The following C1QTNF4 variants were observed in gnomAD, a reference collection of about 807,000 sequenced individuals.
C1QTNF4 encodes the protein complement C1q tumor necrosis factor-related protein 4.
C1QTNF4 carries 12 observed loss-of-function variants against 14.6 expected under a neutral mutation model. That is an observed-to-expected ratio of 0.82 (90% CI 0.53 to 1.33). The LOEUF is 1.33. Ranked by LOEUF, C1QTNF4 falls within the 40% of genes most tolerant of loss-of-function variation. The pLI is 0.00. For synonymous variants in C1QTNF4, 278 were observed against 246.6 expected (o/e 1.13, Z -1.19); for missense variants, 558 against 500.3 (o/e 1.12, Z -1.10).
At chr11:47,592,104 C>T (rs901166263) in intron 1 of C1QTNF4, among the ~76,000 whole-genome samples, 5 of 152,194 alleles carry the variant, frequency 3.3e-5, no homozygotes, top group African/African-American at 4.8e-5. Context: ...GAAGGTGACT[C>T]CTTTCTCTTT....
intron 1 of C1QTNF4, among the ~76,000 whole-genome samples, chr11:47,593,864 C>T (rs1205325706): frequency 2.0e-5 from 3 of 151,992 alleles, no homozygotes; most frequent in South Asian, 2.1e-4. Flanking sequence ...TGCCAGAGCC[C>T]CCTCCCCAAC....
chr11:47,592,397 G>A (rs147004266), intron 1 of C1QTNF4, among the ~76,000 whole-genome samples: 79 of 152,338 alleles, frequency 5.2e-4, no homozygotes, highest in African/African-American at 1.8e-3. Context: ...CTGTGGGGGT[G>A]TGCTGAGATA....
upstream of C1QTNF4, chr11:47,594,446 T>TAGGGGAGAGGG (rs2097277151): frequency 1.1e-5 from 1 of 91,988 alleles, no homozygotes; most frequent in Non-Finnish European, 2.3e-5. Context: ...AGGAGGGGAG[T>TAGGGGAGAGGG]AGGGGAGAGG....
chr11:47,594,790 G>A (rs1243353559), upstream of C1QTNF4: 1 of 152,252 alleles, frequency 6.6e-6, no homozygotes, highest in Non-Finnish European at 1.5e-5. Flanking sequence ...AGGTCTGAAG[G>A]AAGAGAAGGA....
At chr11:47,591,473 C>T (rs1377951115) in intron 1 of C1QTNF4, among the ~76,000 whole-genome samples, 1 of 150,638 alleles carries the variant, frequency 6.6e-6, no homozygotes, top group Non-Finnish European at 1.5e-5. Flanking sequence ...ACTGCAGCCT[C>T]CACCTCCCAG....
At chr11:47,592,688 G>A (rs2097276237) in intron 1 of C1QTNF4, among the ~76,000 whole-genome samples, 1 of 152,162 alleles carries the variant, frequency 6.6e-6, no homozygotes, top group African/African-American at 2.4e-5. Flanking sequence ...GAGACAGCCT[G>A]GGATGTGGGC....
chr11:47,594,731 G>A (rs772811473), upstream of C1QTNF4: 11 of 152,500 alleles, frequency 7.2e-5, no homozygotes, highest in Non-Finnish European at 4.4e-5. Flanking sequence ...ACAGTGGAAG[G>A]TGAGATTTTG....
At position 47,589,751 on chromosome 11, in the gene C1QTNF4, A is replaced by T. The variant is rs1446017130; in HGVS notation, c.*70T>A. 2.9e-6 allele frequency: 4 copies of T among 1,382,952 alleles called. No homozygotes were observed. The highest frequency in any genetic ancestry group is 3.8e-6 in the Non-Finnish European group (4 of 1,052,342). 85.7% of individuals were successfully genotyped at this position (1,382,952 alleles called of 1,614,324 possible). A position where few individuals can be genotyped will look rare whatever the true frequency, so the allele number is the denominator to read the frequency against. Reference sequence around the variant, plus strand: ...CCGGAGGCCGTGGCGCTCGCGCGGGACTTTCGAGCCTCCGGCCCGGCCTGG... The same window carrying T: ...CCGGAGGCCGTGGCGCTCGCGCGGGTCTTTCGAGCCTCCGGCCCGGCCTGG... On this transcript the variant is annotated 3_prime_UTR_variant, in exon 2 of 2. Coordinates refer to ENST00000302514, the MANE Select transcript of C1QTNF4 (RefSeq NM_031909.3).
chr11:47,592,053 C>T (rs1186407414), intron 1 of C1QTNF4, among the ~76,000 whole-genome samples: 1 of 152,170 alleles, frequency 6.6e-6, no homozygotes, highest in African/African-American at 2.4e-5. Flanking sequence ...AACAGTTGGG[C>T]TTTGAGGTAG....
At chr11:47,593,339 CAG>C in intron 1 of C1QTNF4, among the ~76,000 whole-genome samples, 1 of 152,292 alleles carries the variant, frequency 6.6e-6, no homozygotes, top group Non-Finnish European at 1.5e-5. Context: ...GTGAGGAAGA[CAG>C]AAAGCAAAAC....
chr11:47,594,564 C>G (rs1313194360), upstream of C1QTNF4: 1 of 152,926 alleles, frequency 6.5e-6, no homozygotes, highest in Non-Finnish European at 1.5e-5. Flanking sequence ...GTCTAGAGAG[C>G]AGGCATCATT....
chr11:47,590,269 G>C lies in C1QTNF4; in HGVS notation c.542C>G (p.Ala181Gly). Residue 181 changes from alanine to glycine, a missense_variant, in exon 2 of 2, where the codon GCG (alanine) becomes GGG (glycine). Transcript: ENST00000302514. ...GCCCACCAAGCTGCGCGTGCGCGCC[G>C]CCGAGAAGGCCGAGCGCGGCTCGGG... is the stretch of plus-strand genomic sequence containing the variant. Reference protein sequence around the residue: ...APPEPRSAFSAARTRSLVGSD... With the variant: ...APPEPRSAFSGARTRSLVGSD... The C allele has an allele frequency of 1.5e-6, 2 of 1,331,010 alleles. No individual in the cohort carries two copies. The highest frequency in any genetic ancestry group is 3.4e-5 in the East Asian group (1 of 29,586). The allele number at this position is 1,331,010 out of a possible 1,614,324, so 82.4% of individuals were successfully genotyped here. A position where few individuals can be genotyped will look rare whatever the true frequency, so the allele number is the denominator to read the frequency against.
Position 47,589,847 on chromosome 11 carries a change from C to A in C1QTNF4, c.964G>T (p.Gly322Cys), listed in dbSNP as rs1436958297. Residue 322 changes from glycine (G) to cysteine (C), a missense_variant, in exon 2 of 2, where the codon GGC becomes TGC. Gly to Cys is a radical substitution (Grantham distance 159). Transcript: ENST00000302514. Reference sequence around the variant, plus strand: ...CACAGTAGCTCCGAGGCCCCGAGGCCCGGCGGGGCGGCGGGGGCGAGGTCG... The same window carrying A: ...CACAGTAGCTCCGAGGCCCCGAGGCACGGCGGGGCGGCGGGGGCGAGGTCG... ...YPDLAPAAPP[G>C]LGASELL is the part of the protein sequence containing the mutation. 4 of 1,547,098 alleles carry A rather than the reference C, an allele frequency of 2.6e-6. No homozygotes were observed. In the East Asian group the frequency reaches 9.8e-5, roughly 38 times the overall value.
At position 47,590,701 on chromosome 11, in the gene C1QTNF4, G is replaced by T; in HGVS notation, c.110C>A (p.Thr37Asn). The T allele has an allele frequency of 1.2e-6, 2 of 1,611,272 alleles. No homozygotes were observed. The highest frequency in any genetic ancestry group is 1.7e-6 in the Non-Finnish European group (2 of 1,179,350). Residue 37 changes from threonine to asparagine, a missense_variant, in exon 2 of 2, where the codon ACC becomes AAC. Thr to Asn is a moderately conservative substitution (Grantham distance 65, BLOSUM62 0). Coordinates refer to ENST00000302514, the MANE Select transcript of C1QTNF4 (RefSeq NM_031909.3). ...ELRSAFSAARTTPLEGTSEMA... is the reference protein window; with the variant it reads ...ELRSAFSAARNTPLEGTSEMA... ...CTCCGACGTGCCCTCCAGGGGGGTGGTGCGTGCCGCCGAGAAGGCCGAGCG... is the reference window on the plus strand; with the variant it reads ...CTCCGACGTGCCCTCCAGGGGGGTGTTGCGTGCCGCCGAGAAGGCCGAGCG...
rs748375294 is a variant in C1QTNF4 at position 47,589,798 on chromosome 11, C to T, written c.*23G>A. ...CTGGCATGCACGCCCCTGGCCCTCCCGGGCTCTTCTCTGGCCCGGGGCTCA... is the reference window on the plus strand; with the variant it reads ...CTGGCATGCACGCCCCTGGCCCTCCTGGGCTCTTCTCTGGCCCGGGGCTCA... On this transcript the variant is annotated 3_prime_UTR_variant, in exon 2 of 2. Transcript: ENST00000302514. 13 of 1,490,620 alleles carry T rather than the reference C, an allele frequency of 8.7e-6. No individual in the cohort carries two copies. Among genetic ancestry groups the T allele is most frequent in the Non-Finnish European group, 1.2e-5 (13 of 1,119,748 alleles). 92.3% of individuals were successfully genotyped at this position (1,490,620 alleles called of 1,614,324 possible).
At position 47,590,367 on chromosome 11, in the gene C1QTNF4, G is replaced by T; in HGVS notation, c.444C>A (p.Gly148=). 7.2e-7 allele frequency: 1 copy of T among 1,380,150 alleles called. No homozygotes were observed. The highest frequency in any genetic ancestry group is 9.3e-7 in the Non-Finnish European group (1 of 1,075,954). 85.5% of individuals were successfully genotyped at this position (1,380,150 alleles called of 1,614,324 possible). ...AGACTAGGTAGCCGCTGAAGGTGGCGCCGGGCGCGCCTAGCGCGTACTGCG... is the reference window on the plus strand; with the variant it reads ...AGACTAGGTAGCCGCTGAAGGTGGCTCCGGGCGCGCCTAGCGCGTACTGCG... The part of the protein sequence containing the change: ...GAPQYALGAP[G]ATFSGYLVYA... Residue 148 remains glycine, a synonymous_variant, in exon 2 of 2, where the codon GGC becomes GGA. Transcript: ENST00000302514.
chr11:47,592,039 C>T (rs935794506), intron 1 of C1QTNF4, among the ~76,000 whole-genome samples: 6 of 152,160 alleles, frequency 3.9e-5, no homozygotes, highest in Non-Finnish European at 8.8e-5. Context: ...ACAGAGGAGG[C>T]GAGAACAGTT....
chr11:47,593,927 A>G (rs2097276749), intron 1 of C1QTNF4, among the ~76,000 whole-genome samples: 3 of 151,794 alleles, frequency 2.0e-5, no homozygotes, highest in Admixed American at 2.0e-4. Context: ...ACAGAAGCCA[A>G]TTAATCCTTA....
In C1QTNF4 at chr11:47,590,612, G is replaced by A. The variant is rs1158884529; in HGVS notation, c.199C>T (p.Gln67Ter). The part of the protein sequence containing the change: ...IGGDFDVATG[Q>*]FRCRVPGAYF... ...GCGCCGGGCACGCGGCAGCGAAACT[G>A]GCCGGTGGCCACATCGAAGTCGCCC... Residue 67 changes from glutamine (Q) to a stop codon, truncating the protein, a stop_gained, in exon 2 of 2, where the codon CAG becomes TAG. Coordinates refer to ENST00000302514, the MANE Select transcript of C1QTNF4 (RefSeq NM_031909.3). LOFTEE classifies it high-confidence loss of function. 6.2e-7 allele frequency: 1 copy of A among 1,609,602 alleles called. No individual in the cohort carries two copies. The highest frequency in any genetic ancestry group is 1.1e-5 in the South Asian group (1 of 90,386).
Sources: allele counts gnomAD v4.1 joint callset (sites outside exome capture counted in the v4.1 genomes callset), GRCh38; gene constraint gnomAD v4.1.1; transcripts MANE v1.5; gene names NCBI Gene and HGNC (gene_info 2026-07-23, HGNC 2026-07-21).